The following PFKFB1 variants were observed in gnomAD, a reference collection of about 807,000 sequenced individuals.
PFKFB1 encodes 6-phosphofructo-2-kinase/fructose-2,6-biphosphatase 1.
Under a neutral mutation model 46.4 loss-of-function variants are expected in PFKFB1, and 34 were observed. The ratio of observed to expected loss-of-function variants is 0.73; its 90% CI spans 0.56 to 0.98. The LOEUF is 0.98. PFKFB1 is among the 50% of genes least tolerant of loss of function. The pLI, the probability that PFKFB1 is intolerant of heterozygous loss-of-function variation, is 0.00. For missense variants in PFKFB1, 393 were observed against 376.3 expected (o/e 1.04, Z -0.37); for synonymous variants, 119 against 133.8 (o/e 0.89, Z 0.76).
At chrX:54,941,190 T>C (rs1388707398) in intron 10 of PFKFB1, among the ~76,000 whole-genome samples, 1 of 112,122 alleles carries the variant, frequency 8.9e-6, no homozygotes, top group Non-Finnish European at 1.9e-5. Context: ...GCTAGCCACA[T>C]GTAGAAAGCT....
chrX:54,937,782 G>A, intron 10 of PFKFB1, 58 bp from the exon 11 acceptor site: 1 of 1,074,213 alleles, frequency 9.3e-7, no homozygotes, highest in Non-Finnish European at 1.3e-6. Context: ...TTGCCCAGAG[G>A]GGAAGAACTC....
At chrX:54,992,061 G>A (rs745856443) in intron 1 of PFKFB1, among the ~76,000 whole-genome samples, 6 of 111,411 alleles carry the variant, frequency 5.4e-5, no homozygotes, top group Non-Finnish European at 9.4e-5. Context: ...CACTATCTAA[G>A]TTTTTTGCAT....
At chrX:54,983,348 CA>C (rs774683981) in intron 1 of PFKFB1, among the ~76,000 whole-genome samples, 1 of 110,978 alleles carries the variant, frequency 9.0e-6, no homozygotes, top group Non-Finnish European at 1.9e-5. Flanking sequence ...AGGTAGGTCT[CA>C]AATGTGTGTT....
chrX:54,952,549 C>CT (rs370373133), intron 7 of PFKFB1, among the ~76,000 whole-genome samples: 290 of 100,637 alleles, frequency 2.9e-3, no homozygotes, highest in Middle Eastern at 0.01. Flanking sequence ...CTTCACTCCT[C>CT]TTTTTTTTTT....
chrX:54,950,478 G>A (rs1271143555), intron 8 of PFKFB1, among the ~76,000 whole-genome samples: 3 of 112,167 alleles, frequency 2.7e-5, no homozygotes, highest in African/African-American at 6.5e-5. Flanking sequence ...CTACCTCGAC[G>A]GGGAGGTGCT....
intron 10 of PFKFB1, among the ~76,000 whole-genome samples, chrX:54,938,459 A>G (rs912277582): frequency 4.7e-4 from 53 of 111,760 alleles, no homozygotes; most frequent in African/African-American, 1.5e-3. Context: ...CAAATTGGAT[A>G]AAGAGTCAAG....
intron 1 of PFKFB1, among the ~76,000 whole-genome samples, chrX:54,969,433 C>T (rs185036081): frequency 1.4e-3 from 151 of 111,689 alleles, no homozygotes; most frequent in African/African-American, 4.7e-3. Flanking sequence ...GATGTGGCCA[C>T]GTGATCTTGG....
intron 7 of PFKFB1, 81 bp from the exon 8 acceptor site, chrX:54,952,193 C>T (rs1934006567): frequency 1.4e-6 from 1 of 732,326 alleles, no homozygotes; most frequent in African/African-American, 2.1e-5. Context: ...CCCCGAACCA[C>T]ACACCCTTTC....
At chrX:54,969,129 A>G (rs1055153817) in intron 1 of PFKFB1, among the ~76,000 whole-genome samples, 2 of 111,703 alleles carry the variant, frequency 1.8e-5, no homozygotes, top group Non-Finnish European at 3.8e-5. Flanking sequence ...GTTTGAATAC[A>G]TCCTCCAAAG....
chrX:54,990,466 C>T (rs1039169012), intron 1 of PFKFB1, among the ~76,000 whole-genome samples: 5 of 111,276 alleles, frequency 4.5e-5, no homozygotes, highest in Non-Finnish European at 7.6e-5. Context: ...GTGGAAATAG[C>T]AAACTGAAAG....
chrX:54,953,113 G>A (rs1194778076), intron 7 of PFKFB1, among the ~76,000 whole-genome samples: 1 of 112,037 alleles, frequency 8.9e-6, no homozygotes, highest in Non-Finnish European at 1.9e-5. Context: ...TGAGGCCTAC[G>A]CTGTACCAGG....
intron 11 of PFKFB1, among the ~76,000 whole-genome samples, chrX:54,937,265 G>C (rs1170671835): frequency 2.7e-5 from 3 of 111,596 alleles, no homozygotes; most frequent in Non-Finnish European, 3.8e-5. Flanking sequence ...CGTTGGCTTT[G>C]AAAATGTTAG....
chrX:54,956,235 G>A lies in PFKFB1; in HGVS notation c.556C>T (p.Arg186Trp), dbSNP rs757855528. The A allele has an allele frequency of 4.7e-5, 57 of 1,209,556 alleles. No individual in the cohort carries two copies. In the East Asian group the frequency reaches 1.3e-3, roughly 28 times the overall value. The part of the protein sequence containing the change: ...LGSPDYIDCD[R>W]EKVLEDFLKR... ...AGAAAGTCTTCCAGAACCTTTTCCC[G>A]GTCACAGTCTATATAATCAGGGCTG... Residue 186 changes from arginine to tryptophan, a missense_variant, in exon 7 of 14, where the codon CGG becomes TGG. Transcript: ENST00000375006.
intron 9 of PFKFB1, among the ~76,000 whole-genome samples, chrX:54,946,845 G>A (rs752012086): frequency 8.9e-6 from 1 of 112,133 alleles, no homozygotes; most frequent in Admixed American, 9.4e-5. Flanking sequence ...TACAGAATGC[G>A]CAAGGGACAT....
chrX:54,964,757 A>G (rs1934427885), intron 1 of PFKFB1, among the ~76,000 whole-genome samples: 1 of 111,694 alleles, frequency 9.0e-6, no homozygotes, highest in African/African-American at 3.3e-5. Flanking sequence ...GAAACTTAAA[A>G]TAGCTATGAT....
chrX:54,949,605 G>T (rs1413505447), intron 8 of PFKFB1, among the ~76,000 whole-genome samples: 1 of 112,178 alleles, frequency 8.9e-6, no homozygotes, highest in Non-Finnish European at 1.9e-5. Flanking sequence ...GCTCTATCCT[G>T]CACTTCTACG....
chrX:54,950,115 T>C (rs1192918670), intron 8 of PFKFB1, among the ~76,000 whole-genome samples: 1 of 112,373 alleles, frequency 8.9e-6, no homozygotes, highest in East Asian at 2.8e-4. Flanking sequence ...GGTGTGTCGT[T>C]AACTGCTGAC....
intron 8 of PFKFB1, 146 bp downstream of exon 8, chrX:54,951,758 TG>T: frequency 4.0e-6 from 2 of 499,170 alleles, no homozygotes; most frequent in South Asian, 5.9e-5. Flanking sequence ...GAGCAGCTGA[TG>T]GGTGGAAGAG....
At chrX:54,986,828 A>G (rs1935124726) in intron 1 of PFKFB1, among the ~76,000 whole-genome samples, 1 of 111,906 alleles carries the variant, frequency 8.9e-6, no homozygotes, top group African/African-American at 3.2e-5. Flanking sequence ...AATCATATAA[A>G]GTATGTTCTC....
Sources: allele counts gnomAD v4.1 joint callset (sites outside exome capture counted in the v4.1 genomes callset), GRCh38; gene constraint gnomAD v4.1.1; transcripts MANE v1.5; gene names NCBI Gene and HGNC (gene_info 2026-07-23, HGNC 2026-07-21).